DGKB: variants seen among roughly 807,000 people sequenced by gnomAD.
The protein encoded by DGKB is diacylglycerol kinase beta, also known as 90 kDa diacylglycerol kinase.
DGKB carries 67 observed loss-of-function variants against 114.3 expected under a neutral mutation model. The observed-to-expected ratio is 0.59, with a 90% CI of 0.48 to 0.72. The LOEUF is 0.72. DGKB is among the 30% of genes least tolerant of loss of function. The pLI is 0.00. For synonymous variants in DGKB, 398 were observed against 323.1 expected (o/e 1.23, Z -2.49); for missense variants, 907 against 975.2 (o/e 0.93, Z 0.93).
In DGKB at chr7:14,782,456, A is replaced by C. The variant is rs115306942; in HGVS notation, c.71-24725T>G. Among the ~76,000 whole-genome samples the C allele has an allele frequency of 4.1e-3, 622 of 152,310 alleles. 3 individuals are homozygous for C. The highest frequency in any genetic ancestry group is 0.014 in the African/African-American group (592 of 41,556). ...TAACTGGGTATATCTCATTTGTGATAATTTTATTTTTTTCAAGAATATTTA... is the reference window on the plus strand; with the variant it reads ...TAACTGGGTATATCTCATTTGTGATCATTTTATTTTTTTCAAGAATATTTA... On this transcript the variant is annotated intron_variant, in intron 2 of 25. Transcript: ENST00000402815.
intron 19 of DGKB, among the ~76,000 whole-genome samples, chr7:14,576,502 T>C (rs1584918756): frequency 6.6e-6 from 1 of 152,138 alleles, no homozygotes; most frequent in South Asian, 2.1e-4. Flanking sequence ...ATAAGCTTGA[T>C]AGTCTCTAGG....
At chr7:14,874,641 T>A (rs185337073) in intron 1 of DGKB, among the ~76,000 whole-genome samples, 275 of 152,126 alleles carry the variant, frequency 1.8e-3, no homozygotes, top group African/African-American at 6.1e-3. Flanking sequence ...ATGTTTCCTC[T>A]GTATGGAAAA....
rs763165374 is a variant in DGKB, at chr7:14,718,629, T to C, written c.379A>G (p.Thr127Ala). The change falls in exon 6 of 26, where the codon ACG becomes GCG. Residue 127 changes from threonine to alanine, a missense_variant. Thr to Ala is a moderately conservative substitution (Grantham distance 58). Around this residue, in one of 3 missense-constraint regions of DGKB, gnomAD observed 814 missense variants for 856.6 expected, o/e 0.95. Transcript: ENST00000402815. ...TPPRTTSPAN[T>A]CSPEVIHLKD... is the part of the protein sequence containing the mutation. ...AGATGGATTACTTCTGGGGAACACG[T>C]ATTTGCAGGAGAAGTAGTCCGGGGA... 5 of 1,612,402 alleles carry C rather than the reference T, an allele frequency of 3.1e-6. No homozygotes were observed. The highest frequency in any genetic ancestry group is 1.1e-5 in the South Asian group (1 of 90,962).
At chr7:14,663,060 G>C (rs1271980284) in intron 13 of DGKB, among the ~76,000 whole-genome samples, 1 of 151,960 alleles carries the variant, frequency 6.6e-6, no homozygotes, top group Non-Finnish European at 1.5e-5. Context: ...ATGGAATACA[G>C]AGGGACAAAA....
intron 21 of DGKB, among the ~76,000 whole-genome samples, chr7:14,394,927 G>A (rs926114039): frequency 6.6e-6 from 1 of 152,074 alleles, no homozygotes; most frequent in African/African-American, 2.4e-5. Context: ...GTTTTGCTCA[G>A]TAGGGTCAAC....
intron 23 of DGKB, among the ~76,000 whole-genome samples, chr7:14,226,589 T>C (rs1790839230): frequency 6.6e-6 from 1 of 152,002 alleles, no homozygotes; most frequent in African/African-American, 2.4e-5. Context: ...TCCTTGAGGA[T>C]TATAAATTAA....
At chr7:14,221,748 G>C (rs187367666) in intron 23 of DGKB, among the ~76,000 whole-genome samples, 17 of 151,106 alleles carry the variant, frequency 1.1e-4, no homozygotes, top group African/African-American at 4.8e-5. Context: ...TTAATTTTTT[G>C]TCTTACACAT....
At chr7:14,856,548 G>A (rs142482888) in intron 1 of DGKB, among the ~76,000 whole-genome samples, 1 of 152,024 alleles carries the variant, frequency 6.6e-6, no homozygotes, top group African/African-American at 2.4e-5. Context: ...GTATCAGATG[G>A]CCTTTTAATG....
chr7:14,629,298 C>A (rs1381555985), intron 14 of DGKB, among the ~76,000 whole-genome samples: 1 of 151,912 alleles, frequency 6.6e-6, no homozygotes, highest in Non-Finnish European at 1.5e-5. Flanking sequence ...TTAACATTTT[C>A]TTAGATTAGA....
chr7:14,694,831 G>A (rs574280837), intron 8 of DGKB, among the ~76,000 whole-genome samples: 1 of 152,226 alleles, frequency 6.6e-6, no homozygotes, highest in Admixed American at 6.5e-5. Flanking sequence ...CGTATTATAA[G>A]CAGACGAGCC....
Position 14,314,503 on chromosome 7 carries a change from G to A in DGKB, c.2122+24012C>T, listed in dbSNP as rs576148540. ...GAAGAATGCAGAAGGCTCAGGAGCCGATGTGATCAACTGGAAGAAAGGGTA... is the reference window on the plus strand; with the variant it reads ...GAAGAATGCAGAAGGCTCAGGAGCCAATGTGATCAACTGGAAGAAAGGGTA... On this transcript the variant is annotated intron_variant, in intron 23 of 25. Coordinates refer to ENST00000402815, the MANE Select transcript of DGKB (RefSeq NM_001350709.2). Among the ~76,000 whole-genome samples the A allele has an allele frequency of 1.0e-3, 158 of 152,164 alleles. 1 individual carries two copies. In the East Asian group the frequency reaches 0.012, roughly 11 times the overall value.
At chr7:14,195,601 A>T (rs2128280778) in intron 23 of DGKB, among the ~76,000 whole-genome samples, 1 of 152,242 alleles carries the variant, frequency 6.6e-6, no homozygotes, top group African/African-American at 2.4e-5. Context: ...AAAATCAGTT[A>T]TTTTCTTGAG....
intron 17 of DGKB, among the ~76,000 whole-genome samples, chr7:14,596,840 T>A (rs570510499): frequency 6.6e-6 from 1 of 152,354 alleles, no homozygotes; most frequent in African/African-American, 2.4e-5. Context: ...TATGCATTAC[T>A]ACTGAGCTGG....
intron 5 of DGKB, among the ~76,000 whole-genome samples, 154 bp downstream of exon 5, chr7:14,735,887 C>G (rs1222522976): frequency 1.3e-5 from 2 of 152,150 alleles, no homozygotes; most frequent in Non-Finnish European, 2.9e-5. Flanking sequence ...TTACTGGAAA[C>G]ATTTTAAATG....
chr7:14,867,595 G>A (rs1203508860), intron 1 of DGKB, among the ~76,000 whole-genome samples: 3 of 151,782 alleles, frequency 2.0e-5, no homozygotes, highest in African/African-American at 7.3e-5. Flanking sequence ...CTCATTTGCT[G>A]CATACTGTTT....
intron 1 of DGKB, among the ~76,000 whole-genome samples, chr7:14,865,004 T>C (rs1446228996): frequency 6.6e-6 from 1 of 151,764 alleles, no homozygotes; most frequent in East Asian, 1.9e-4. Context: ...ATATTAAGAG[T>C]AGACGCAAAA....
chr7:14,764,826 G>C (rs1344243650), intron 2 of DGKB, among the ~76,000 whole-genome samples: 1 of 151,270 alleles, frequency 6.6e-6, no homozygotes, highest in African/African-American at 2.4e-5. Context: ...GGTCACAATA[G>C]CAAAAATAGC....
chr7:14,192,861 C>T (rs1019158025), intron 23 of DGKB, among the ~76,000 whole-genome samples: 3 of 151,858 alleles, frequency 2.0e-5, no homozygotes, highest in African/African-American at 7.3e-5. Context: ...CTAGATGATA[C>T]CATCTAGGGG....
At chr7:14,759,542 G>T (rs2128451092) in intron 2 of DGKB, among the ~76,000 whole-genome samples, 1 of 152,136 alleles carries the variant, frequency 6.6e-6, no homozygotes, top group African/African-American at 2.4e-5. Flanking sequence ...CTTTCACTTA[G>T]CTTAGTGTTT....
Sources: allele counts gnomAD v4.1 joint callset (sites outside exome capture counted in the v4.1 genomes callset), GRCh38; gene constraint gnomAD v4.1.1; regional missense constraint gnomAD v4.1.1; transcripts MANE v1.5; gene names NCBI Gene and HGNC (gene_info 2026-07-23, HGNC 2026-07-21).